PTPRG: variants seen among roughly 807,000 people sequenced by gnomAD.
The protein encoded by PTPRG is protein tyrosine phosphatase receptor type G.
In PTPRG, 102 loss-of-function variants were observed where a neutral mutation model predicts 165.3. That is an observed-to-expected ratio of 0.62 (90% CI 0.53 to 0.73). PTPRG has a LOEUF of 0.73. Among genes scored for constraint, PTPRG ranks in the 30% least tolerant of loss-of-function variants. The probability of loss-of-function intolerance (pLI) is 0.00; values close to 1 mark genes in which losing one functional copy is unlikely to be tolerated. For synonymous variants in PTPRG, 675 were observed against 669.5 expected (o/e 1.01, Z -0.13); for missense variants, 1,866 against 1,861.4 (o/e 1.00, Z -0.05).
At position 62,078,144 on chromosome 3, in the gene PTPRG, T is replaced by C; in HGVS notation, c.520-19T>C. The C allele has an allele frequency of 6.5e-7, 1 of 1,526,886 alleles. No homozygotes were observed. The highest frequency in any genetic ancestry group is 9.0e-7 in the Non-Finnish European group (1 of 1,111,770). The allele number at this position is 1,526,886 out of a possible 1,614,324, so 94.6% of individuals were successfully genotyped here. On this transcript the variant is annotated intron_variant, in intron 4 of 29. Coordinates refer to ENST00000474889, the MANE Select transcript of PTPRG (RefSeq NM_002841.4). ...TGTTTGAAAATTTTCCTAATACATTTTTTTAATTGTTCTTACAGATGCAGA... is the reference window on the plus strand; with the variant it reads ...TGTTTGAAAATTTTCCTAATACATTCTTTTAATTGTTCTTACAGATGCAGA...
rs573610263 is a variant in PTPRG, at chr3:61,714,622, G to A, written c.86-34256G>A. ...TTCAATCCAGGCTCTTTCTCAAGTT[G>A]TGTTCTTAGAGAAAGGTGGGGCCTT... On this transcript the variant is annotated intron_variant, in intron 1 of 29. Coordinates refer to ENST00000474889, the MANE Select transcript of PTPRG (RefSeq NM_002841.4). 2.6e-5 allele frequency among the ~76,000 whole-genome samples: 4 copies of A among 152,322 alleles called. No homozygotes were observed. In the East Asian group the frequency reaches 7.7e-4, roughly 29 times the overall value.
intron 28 of PTPRG, among the ~76,000 whole-genome samples, chr3:62,286,856 T>C (rs893957977): frequency 6.6e-6 from 1 of 152,146 alleles, no homozygotes; most frequent in African/African-American, 2.4e-5. Flanking sequence ...ATGAGCATTC[T>C]TTAATCCCAC....
chr3:62,242,760 G>A (rs973161426), intron 14 of PTPRG, among the ~76,000 whole-genome samples: 2 of 152,166 alleles, frequency 1.3e-5, no homozygotes, highest in African/African-American at 4.8e-5. Flanking sequence ...ATTGAGCAAA[G>A]ACAACTGTGA....
At chr3:62,047,426 A>T (rs1259067445) in intron 4 of PTPRG, among the ~76,000 whole-genome samples, 1 of 151,770 alleles carries the variant, frequency 6.6e-6, no homozygotes, top group Non-Finnish European at 1.5e-5. Flanking sequence ...CGCCTGGCTA[A>T]TTTTTTTGTA....
At chr3:62,257,515 C>T (rs1001875339) in intron 16 of PTPRG, among the ~76,000 whole-genome samples, 4 of 152,050 alleles carry the variant, frequency 2.6e-5, no homozygotes, top group East Asian at 3.9e-4. Flanking sequence ...ATCTTATTGT[C>T]CCCATTTTAC....
intron 1 of PTPRG, among the ~76,000 whole-genome samples, chr3:61,729,661 T>C (rs1425009548): frequency 2.6e-5 from 4 of 152,234 alleles, no homozygotes; most frequent in African/African-American, 4.8e-5. Context: ...TGGTTTAACA[T>C]ACTCATTTTT....
chr3:61,880,427 C>G (rs981087180), intron 2 of PTPRG, among the ~76,000 whole-genome samples: 1 of 152,062 alleles, frequency 6.6e-6, no homozygotes, highest in African/African-American at 2.4e-5. Context: ...TGAGATCAGC[C>G]TGGCCAACAG....
At chr3:61,942,685 G>T (rs2039662190) in intron 2 of PTPRG, among the ~76,000 whole-genome samples, 1 of 152,324 alleles carries the variant, frequency 6.6e-6, no homozygotes, top group Non-Finnish European at 1.5e-5. Context: ...AGCCAGAAGA[G>T]CTAAGTCTTA....
intron 1 of PTPRG, among the ~76,000 whole-genome samples, chr3:61,661,973 T>C (rs4234690): frequency 0.99 from 150,701 of 152,324 alleles, 74,579 homozygotes; most frequent in East Asian, 1. Context: ...TATTTATACA[T>C]GTTGGTGTAG....
chr3:61,991,131 C>G (rs2040877666), intron 3 of PTPRG, among the ~76,000 whole-genome samples: 1 of 152,104 alleles, frequency 6.6e-6, no homozygotes, highest in Non-Finnish European at 1.5e-5. Context: ...AGCAGGTGAC[C>G]CTCTCCTGTA....
chr3:62,057,833 A>G (rs1301956259), intron 4 of PTPRG, among the ~76,000 whole-genome samples: 1 of 152,234 alleles, frequency 6.6e-6, no homozygotes, highest in Non-Finnish European at 1.5e-5. Context: ...TTTAAGTTCT[A>G]CACCACTCTG....
At chr3:62,157,987 A>G (rs777617526) in intron 7 of PTPRG, among the ~76,000 whole-genome samples, 2 of 152,192 alleles carry the variant, frequency 1.3e-5, no homozygotes, top group Non-Finnish European at 2.9e-5. Flanking sequence ...TTAATGAATG[A>G]TGAAGCCAAA....
intron 1 of PTPRG, among the ~76,000 whole-genome samples, chr3:61,606,471 C>A (rs1175247619): frequency 6.6e-6 from 1 of 152,232 alleles, no homozygotes; most frequent in Admixed American, 6.5e-5. Flanking sequence ...CATTGATATA[C>A]ATCTGCAATA....
chr3:61,939,206 C>T lies in PTPRG; in HGVS notation c.191-50419C>T, dbSNP rs555607672. 1.6e-4 allele frequency among the ~76,000 whole-genome samples: 25 copies of T among 152,238 alleles called. No individual in the cohort carries two copies. In the South Asian group the frequency reaches 3.9e-3, roughly 24 times the overall value. On this transcript the variant is annotated intron_variant, in intron 2 of 29. Transcript: ENST00000474889. The stretch of plus-strand genomic sequence containing the variant: ...CTTAAGGAAGCATTTAAAAATAAAA[C>T]ACTGTTTTCTGATAGAAAGCAGCCC...
At chr3:61,653,317 C>G (rs1389058515) in intron 1 of PTPRG, among the ~76,000 whole-genome samples, 1 of 151,922 alleles carries the variant, frequency 6.6e-6, no homozygotes, top group Admixed American at 6.6e-5. Context: ...TTTAAATTAT[C>G]CCCCTTTTTT....
At chr3:62,174,797 C>CTTAA (rs1325957616) in intron 8 of PTPRG, among the ~76,000 whole-genome samples, 1 of 152,226 alleles carries the variant, frequency 6.6e-6, no homozygotes, top group Non-Finnish European at 1.5e-5. Context: ...GATATGAACA[C>CTTAA]TTAATGCCTT....
At chr3:61,864,591 G>T (rs1006280082) in intron 2 of PTPRG, among the ~76,000 whole-genome samples, 1 of 152,164 alleles carries the variant, frequency 6.6e-6, no homozygotes, top group Non-Finnish European at 1.5e-5. Flanking sequence ...GTTCAGCTTT[G>T]CATGGTGAAC....
At chr3:62,148,029 C>T (rs1379819556) in intron 6 of PTPRG, among the ~76,000 whole-genome samples, 1 of 152,136 alleles carries the variant, frequency 6.6e-6, no homozygotes, top group Non-Finnish European at 1.5e-5. Context: ...GCCTGTAGTT[C>T]AAGCTACTCG....
intron 5 of PTPRG, among the ~76,000 whole-genome samples, chr3:62,082,403 G>A (rs75248282): frequency 0.022 from 3,337 of 152,214 alleles, 117 homozygotes; most frequent in African/African-American, 0.076. Flanking sequence ...CTAGAGTAGT[G>A]GTTACTTGCA....
Sources: gnomAD v4.1 joint callset for allele counts (sites outside exome capture counted in the v4.1 genomes callset) on GRCh38, gnomAD v4.1.1 for gene constraint, MANE v1.5 for transcripts, NCBI Gene and HGNC (gene_info 2026-07-23, HGNC 2026-07-21) for gene names.